The following KLHDC4 variants were observed in gnomAD, a reference collection of about 807,000 sequenced individuals.
KLHDC4 encodes kelch domain-containing protein 4.
A neutral mutation model predicts 62.4 loss-of-function variants in KLHDC4; 90 were observed. The observed-to-expected ratio is 1.44, with a 90% CI of 1.22 to 1.72. The LOEUF is 1.72. Among genes scored for constraint, KLHDC4 ranks in the 40% most tolerant of loss-of-function variants. KLHDC4 has a pLI of 0.00. For synonymous variants in KLHDC4, 386 were observed against 284.4 expected (o/e 1.36, Z -3.59); for missense variants, 1,025 against 699.7 (o/e 1.47, Z -5.25).
At chr16:87,749,676 T>C (rs1454963820) in intron 4 of KLHDC4, among the ~76,000 whole-genome samples, 2 of 152,068 alleles carry the variant, frequency 1.3e-5, no homozygotes, top group African/African-American at 2.4e-5. Context: ...CTCGACCTCA[T>C]GGTTTCAAGT....
At chr16:87,732,726 C>G (rs567986969) in intron 5 of KLHDC4, among the ~76,000 whole-genome samples, 2 of 152,136 alleles carry the variant, frequency 1.3e-5, no homozygotes, top group African/African-American at 4.8e-5. Flanking sequence ...AAAAACAGCA[C>G]GTGAAAAGGC....
chr16:87,758,149 T>C (rs565944256), intron 2 of KLHDC4, among the ~76,000 whole-genome samples: 9 of 152,326 alleles, frequency 5.9e-5, no homozygotes, highest in East Asian at 3.9e-4. Context: ...AAACATGTCA[T>C]AGGCTGGGAA....
chr16:87,714,336 T>TGCCCC, intron 8 of KLHDC4, 162 bp downstream of exon 8: 1 of 140,734 alleles, frequency 7.1e-6, no homozygotes, highest in Non-Finnish European at 1.5e-5. Context: ...ATGGAGCCTG[T>TGCCCC]CCCACCCGGC....
At chr16:87,758,577 T>C (rs114836768) in intron 2 of KLHDC4, among the ~76,000 whole-genome samples, 2,041 of 152,260 alleles carry the variant, frequency 0.013, 50 homozygotes, top group African/African-American at 0.046. Flanking sequence ...TTGAAGGGTC[T>C]AGACACTTCT....
At chr16:87,746,163 G>C (rs1427362311) in intron 5 of KLHDC4, among the ~76,000 whole-genome samples, 1 of 152,050 alleles carries the variant, frequency 6.6e-6, no homozygotes, top group Admixed American at 6.6e-5. Context: ...CTGGCTACTA[G>C]GGGGGCTGAG....
chr16:87,758,657 CACT>C (rs2045389353), intron 2 of KLHDC4, among the ~76,000 whole-genome samples: 1 of 152,120 alleles, frequency 6.6e-6, no homozygotes, highest in Admixed American at 6.5e-5. Context: ...AATACACTAA[CACT>C]AACAATAGCT....
At chr16:87,733,872 CCA>C (rs2040826654) in intron 5 of KLHDC4, among the ~76,000 whole-genome samples, 1 of 152,258 alleles carries the variant, frequency 6.6e-6, no homozygotes, top group South Asian at 2.1e-4. Context: ...TCCCACCTCT[CCA>C]CACAGGTCAC....
chr16:87,755,470 G>A, intron 3 of KLHDC4, 178 bp from the exon 4 acceptor site: 1 of 467,958 alleles, frequency 2.1e-6, no homozygotes, highest in South Asian at 2.1e-5. Flanking sequence ...ACGACACAAT[G>A]AAAACGACCG....
Position 87,730,617 on chromosome 16 carries a change from A to G in KLHDC4, c.534T>C (p.Ser178=). 6.2e-7 allele frequency: 1 copy of G among 1,613,172 alleles called. No homozygotes were observed. The highest frequency in any genetic ancestry group is 8.5e-7 in the Non-Finnish European group (1 of 1,179,832). The change falls in exon 6 of 12, where the codon AGT becomes AGC. Residue 178 remains serine (S), a synonymous_variant. Coordinates refer to ENST00000270583, the MANE Select transcript of KLHDC4 (RefSeq NM_017566.4). ...TCTTCCAGGCCACCATCCGATGTCC[A>G]CTCCGACCCGAAGGACCGCCTGTTG... ...VKSTGGPSGR[S]GHRMVAWKRQ...
At chr16:87,730,844 C>T in intron 5 of KLHDC4, 200 bp from the exon 6 acceptor site, 3 of 505,878 alleles carry the variant, frequency 5.9e-6, no homozygotes, top group South Asian at 2.3e-5. Flanking sequence ...TAAGCTCAAA[C>T]CTCAAGAATA....
exon 1 of KLHDC4, chr16:87,698,261 C>T (rs1420455858): frequency 1.3e-5 from 2 of 152,294 alleles, no homozygotes; most frequent in Non-Finnish European, 2.9e-5. Flanking sequence ...TCATACATTT[C>T]TGATAATGTC....
intron 7 of KLHDC4, among the ~76,000 whole-genome samples, chr16:87,725,742 A>G (rs1412900608): frequency 6.6e-6 from 1 of 152,140 alleles, no homozygotes; most frequent in Non-Finnish European, 1.5e-5. Context: ...CAGCAGGCAC[A>G]TGTGAGGAGC....
Position 87,748,575 on chromosome 16 carries a change from G to A in KLHDC4, c.506+98C>T, listed in dbSNP as rs2043399707. ...CCAGGACTGTGACCCAAGTTCCTCT[G>A]AACCCTGGTATTCTGAGGTCTGCTC... is the stretch of plus-strand genomic sequence containing the variant. On this transcript the variant is annotated intron_variant, in intron 5 of 11. Coordinates refer to ENST00000270583, the MANE Select transcript of KLHDC4 (RefSeq NM_017566.4). 4.0e-6 allele frequency: 6 copies of A among 1,486,978 alleles called. No individual in the cohort carries two copies. The African/African-American group carries it at 4.2e-5, about 10-fold the overall frequency. The allele number at this position is 1,486,978 out of a possible 1,614,324, so 92.1% of individuals were successfully genotyped here.
chr16:87,704,619 G>T (rs117067179), downstream of KLHDC4, among the ~76,000 whole-genome samples: 120 of 152,068 alleles, frequency 7.9e-4, 2 homozygotes, highest in East Asian at 0.022. Flanking sequence ...GGAGGGTCCT[G>T]GGGAGGGTCT....
chr16:87,762,531 CTGATA>C (rs1265836132), intron 1 of KLHDC4, among the ~76,000 whole-genome samples: 1 of 152,264 alleles, frequency 6.6e-6, no homozygotes, highest in Non-Finnish European at 1.5e-5. Context: ...TGAGCAGTGT[CTGATA>C]TATTTCTCTT....
rs1356535327 is a variant in KLHDC4, at chr16:87,717,118, C to T, written c.760-2545G>A. On this transcript the variant is annotated intron_variant, in intron 7 of 11. Transcript: ENST00000270583. ...TGGTGGCATGCATCTGTAGTCTCAG[C>T]TACTCCCAACGCTGAGGTGGGAGGA... 2.0e-5 allele frequency among the ~76,000 whole-genome samples: 3 copies of T among 152,124 alleles called. No homozygotes were observed. The East Asian group carries it at 5.8e-4, about 29-fold the overall frequency.
At position 87,726,847 on chromosome 16, in the gene KLHDC4, G is replaced by A. The variant is rs201773974; in HGVS notation, c.677C>T (p.Thr226Met). Residue 226 changes from threonine (T) to methionine (M), a missense_variant, in exon 7 of 12, where the codon ACG becomes ATG. By Grantham distance (81) the Thr-to-Met change is moderately conservative (BLOSUM62 -1). Transcript: ENST00000270583. ...FTWSKLSPSG[T>M]GPTPRSGCQM... ...GCAGCCTGATCTGGGTGTGGGCCCC[G>A]TCCCTGACGGGGACAGCTTGCTCCA... is the stretch of plus-strand genomic sequence containing the variant. 49 of 1,613,158 alleles carry A rather than the reference G, an allele frequency of 3.0e-5. No homozygotes were observed. Among genetic ancestry groups the A allele is most frequent in the Non-Finnish European group, 4.1e-5 (48 of 1,179,652 alleles).
At chr16:87,711,736 C>T (rs1393226646) in intron 8 of KLHDC4, among the ~76,000 whole-genome samples, 2 of 151,444 alleles carry the variant, frequency 1.3e-5, no homozygotes, top group Non-Finnish European at 2.9e-5. Context: ...TGGGCAGAAG[C>T]AGCACACACG....
intron 4 of KLHDC4, among the ~76,000 whole-genome samples, chr16:87,752,813 A>G (rs1053680330): frequency 7.2e-5 from 11 of 152,250 alleles, no homozygotes; most frequent in African/African-American, 2.7e-4. Context: ...GGGAAGATTA[A>G]AACTACGGAG....
Sources: gnomAD v4.1 joint callset for allele counts (sites outside exome capture counted in the v4.1 genomes callset) on GRCh38, gnomAD v4.1.1 for gene constraint, MANE v1.5 for transcripts, NCBI Gene and HGNC (gene_info 2026-07-23, HGNC 2026-07-21) for gene names.